The following AGBL1 variants were observed in gnomAD, a reference collection of about 807,000 sequenced individuals.
AGBL1 encodes the protein cytosolic carboxypeptidase 4.
AGBL1 carries 130 observed loss-of-function variants against 118.9 expected under a neutral mutation model. The observed-to-expected ratio is 1.09, with a 90% CI of 0.95 to 1.26. The LOEUF is 1.26. AGBL1 is among the 50% of genes most tolerant of loss of function. AGBL1 has a pLI of 0.00. For missense variants in AGBL1, 1,584 were observed against 1,298.1 expected (o/e 1.22, Z -3.38); for synonymous variants, 555 against 478.9 (o/e 1.16, Z -2.08).
chr15:86,812,459 T>C (rs1269143678), intron 22 of AGBL1, among the ~76,000 whole-genome samples: 1 of 152,206 alleles, frequency 6.6e-6, no homozygotes, highest in Non-Finnish European at 1.5e-5. Flanking sequence ...AGTTCTTAAA[T>C]TAAAATGAAA....
chr15:86,457,575 G>C (rs757749157), intron 18 of AGBL1, among the ~76,000 whole-genome samples: 1 of 152,158 alleles, frequency 6.6e-6, no homozygotes, highest in Non-Finnish European at 1.5e-5. Context: ...CTCGGGAAAA[G>C]TGTCCCCACT....
intron 23 of AGBL1, among the ~76,000 whole-genome samples, chr15:86,958,219 AAAAAAG>A (rs2080952443): frequency 6.6e-6 from 1 of 151,312 alleles, no homozygotes; most frequent in Non-Finnish European, 1.5e-5. Flanking sequence ...AAAAAAAAAA[AAAAAAG>A]AAAAGAAAAT....
intron 22 of AGBL1, among the ~76,000 whole-genome samples, chr15:86,698,677 A>G (rs2086304947): frequency 6.6e-6 from 1 of 151,568 alleles, no homozygotes; most frequent in Non-Finnish European, 1.5e-5. Flanking sequence ...CTCTCAGGCA[A>G]GGAAGCTCAA....
At chr15:86,986,217 C>T (rs2081280843) in intron 23 of AGBL1, among the ~76,000 whole-genome samples, 1 of 152,132 alleles carries the variant, frequency 6.6e-6, no homozygotes, top group South Asian at 2.1e-4. Context: ...AGCCACGGCG[C>T]CCGGCCAGGA....
chr15:87,011,052 T>C (rs2081554431), intron 24 of AGBL1, among the ~76,000 whole-genome samples: 1 of 152,244 alleles, frequency 6.6e-6, no homozygotes. Context: ...TTTTGTGAAC[T>C]TCTCTCATAT....
chr15:86,619,038 C>T (rs1467831292), intron 21 of AGBL1, among the ~76,000 whole-genome samples: 1 of 151,806 alleles, frequency 6.6e-6, no homozygotes, highest in Non-Finnish European at 1.5e-5. Flanking sequence ...TTCGTAGGCC[C>T]TTCTGTAATG....
At chr15:86,185,427 A>G (rs1038034220) in intron 5 of AGBL1, among the ~76,000 whole-genome samples, 1 of 152,200 alleles carries the variant, frequency 6.6e-6, no homozygotes, top group Non-Finnish European at 1.5e-5. Context: ...AAGGATTATA[A>G]ATCATGCTGC....
At chr15:86,162,169 C>A (rs1373585755) in intron 5 of AGBL1, among the ~76,000 whole-genome samples, 1 of 152,088 alleles carries the variant, frequency 6.6e-6, no homozygotes, top group African/African-American at 2.4e-5. Flanking sequence ...GTTGACAGAA[C>A]CTGTGGGCTC....
At chr15:86,923,370 C>T (rs1328018305) in intron 23 of AGBL1, among the ~76,000 whole-genome samples, 1 of 152,158 alleles carries the variant, frequency 6.6e-6, no homozygotes, top group Non-Finnish European at 1.5e-5. Context: ...GGCCCAGGAC[C>T]AGCTTTTCAG....
chr15:86,138,450 G>A (rs1020699907), intron 1 of AGBL1: 1 of 152,258 alleles, frequency 6.6e-6, no homozygotes, highest in South Asian at 2.1e-4. Context: ...GCTGTCTTGG[G>A]TCCTGTCTGC....
intron 5 of AGBL1, among the ~76,000 whole-genome samples, chr15:86,208,960 C>T (rs1016533698): frequency 6.6e-6 from 1 of 152,148 alleles, no homozygotes; most frequent in African/African-American, 2.4e-5. Context: ...TTTAGTGCTA[C>T]AAATTTCCCT....
At chr15:86,346,178 T>A (rs967526017) in intron 17 of AGBL1, among the ~76,000 whole-genome samples, 1 of 151,858 alleles carries the variant, frequency 6.6e-6, no homozygotes, top group African/African-American at 2.4e-5. Flanking sequence ...AGACGGGGTT[T>A]CACCACGTTG....
intron 24 of AGBL1, among the ~76,000 whole-genome samples, chr15:87,001,383 G>A (rs1023168793): frequency 1.4e-4 from 21 of 152,106 alleles, no homozygotes; most frequent in African/African-American, 2.4e-4. Flanking sequence ...GTCTATCATT[G>A]TTGGACATTT....
At chr15:86,762,904 A>C (rs2078046534) in intron 22 of AGBL1, among the ~76,000 whole-genome samples, 1 of 152,046 alleles carries the variant, frequency 6.6e-6, no homozygotes, top group Admixed American at 6.6e-5. Context: ...AAGAGAGAAG[A>C]GAAAATATTG....
At chr15:86,419,216 C>T (rs1360205821) in intron 18 of AGBL1, among the ~76,000 whole-genome samples, 1 of 151,906 alleles carries the variant, frequency 6.6e-6, no homozygotes, top group Non-Finnish European at 1.5e-5. Context: ...CTACCGAGAT[C>T]AACACAGAAG....
intron 22 of AGBL1, among the ~76,000 whole-genome samples, chr15:86,779,628 A>T (rs2078304020): frequency 6.6e-6 from 1 of 152,144 alleles, no homozygotes; most frequent in Non-Finnish European, 1.5e-5. Flanking sequence ...TGATACTGCC[A>T]AAGAAATTTT....
intron 18 of AGBL1, among the ~76,000 whole-genome samples, chr15:86,512,325 T>C (rs1200742034): frequency 6.6e-6 from 1 of 151,960 alleles, no homozygotes; most frequent in Non-Finnish European, 1.5e-5. Flanking sequence ...GAATGATATT[T>C]CCTAGGTTCT....
intron 22 of AGBL1, among the ~76,000 whole-genome samples, chr15:86,841,637 G>C (rs184601415): frequency 3.2e-4 from 48 of 152,122 alleles, no homozygotes; most frequent in Admixed American, 7.2e-4. Flanking sequence ...TCTGAGGTCG[G>C]GAGTTTGAGA....
intron 22 of AGBL1, among the ~76,000 whole-genome samples, chr15:86,892,309 T>C (rs562413807): frequency 6.6e-6 from 1 of 152,300 alleles, no homozygotes; most frequent in East Asian, 1.9e-4. Context: ...TTTATTTCCA[T>C]TACTTTTTAT....
Sources: gnomAD v4.1 joint callset for allele counts (sites outside exome capture counted in the v4.1 genomes callset) on GRCh38, gnomAD v4.1.1 for gene constraint, MANE v1.5 for transcripts, NCBI Gene and HGNC (gene_info 2026-07-23, HGNC 2026-07-21) for gene names.